The following CNTLN variants were observed in gnomAD, a reference collection of about 807,000 sequenced individuals.
CNTLN encodes the protein centlein, centrosomal protein.
Under a neutral mutation model 180.0 loss-of-function variants are expected in CNTLN, and 212 were observed. The observed-to-expected ratio is 1.18, with a 90% CI of 1.05 to 1.32. The LOEUF is 1.32. Among genes scored for constraint, CNTLN ranks in the 40% most tolerant of loss-of-function variants. The probability of loss-of-function intolerance (pLI) is 0.00; values close to 1 mark genes in which losing one functional copy is unlikely to be tolerated. For missense variants in CNTLN, 2,095 were observed against 1,610.9 expected (o/e 1.30, Z -5.14); for synonymous variants, 722 against 563.1 (o/e 1.28, Z -3.99).
At position 17,202,196 on chromosome 9, in the gene CNTLN, A is replaced by C. The variant is rs545997067; in HGVS notation, c.450-24007A>C. On this transcript the variant is annotated intron_variant, in intron 2 of 25. Transcript: ENST00000380647. ...TAATTTGATTACACTGTGGTCTGAG[A>C]GACTGTTTATTATGATTTCTGTTTG... Among the ~76,000 whole-genome samples, 10 of 152,250 alleles carry C rather than the reference A, an allele frequency of 6.6e-5. No homozygotes were observed. In the South Asian group the frequency reaches 1.2e-3, roughly 19 times the overall value.
chr9:17,481,117 T>C (rs1428982687), intron 23 of CNTLN, among the ~76,000 whole-genome samples: 2 of 152,114 alleles, frequency 1.3e-5, no homozygotes, highest in African/African-American at 4.8e-5. Flanking sequence ...CCTACCCAAC[T>C]GTGGGGCACA....
chr9:17,393,591 C>T (rs1233046276), intron 14 of CNTLN, among the ~76,000 whole-genome samples: 3 of 152,144 alleles, frequency 2.0e-5, no homozygotes, highest in African/African-American at 7.2e-5. Context: ...CAGAACCTCT[C>T]TTTCCTGTCT....
At chr9:17,326,369 G>A (rs912971083) in intron 8 of CNTLN, among the ~76,000 whole-genome samples, 3 of 151,936 alleles carry the variant, frequency 2.0e-5, no homozygotes, top group Non-Finnish European at 4.4e-5. Flanking sequence ...AAGATTCTAG[G>A]ATTTTAAGGG....
chr9:17,385,861 T>G (rs757861200), intron 13 of CNTLN, among the ~76,000 whole-genome samples: 6 of 152,180 alleles, frequency 3.9e-5, no homozygotes, highest in Non-Finnish European at 8.8e-5. Flanking sequence ...CATGGTTGGA[T>G]TTAGGTATCC....
At chr9:17,310,715 T>A (rs1819073559) in intron 8 of CNTLN, among the ~76,000 whole-genome samples, 1 of 152,256 alleles carries the variant, frequency 6.6e-6, no homozygotes, top group Non-Finnish European at 1.5e-5. Context: ...GGTTGTTTCC[T>A]GTCCTACTCA....
In CNTLN at chr9:17,274,440, G is replaced by C. The variant is rs75081577; in HGVS notation, c.983+574G>C. 4.4e-4 allele frequency among the ~76,000 whole-genome samples: 65 copies of C among 149,266 alleles called. 1 individual carries two copies. Among genetic ancestry groups the C allele is most frequent in the Non-Finnish European group, 6.9e-4 (46 of 66,806 alleles). On this transcript the variant is annotated intron_variant, in intron 6 of 25. Coordinates refer to ENST00000380647, the MANE Select transcript of CNTLN (RefSeq NM_017738.4). ...ATAAATTAAGACAGAACTTTTCCTT[G>C]GTTCATAGATCAATATCTATCTATC...
intron 2 of CNTLN, among the ~76,000 whole-genome samples, chr9:17,206,263 T>C (rs929539748): frequency 5.9e-5 from 9 of 152,196 alleles, no homozygotes; most frequent in African/African-American, 1.9e-4. Flanking sequence ...GCCTAAGCCC[T>C]AACTAAACAC....
In CNTLN at chr9:17,464,547, A is replaced by G. The variant is rs768323927; in HGVS notation, c.3455A>G (p.Asp1152Gly). Residue 1152 changes from aspartate to glycine, a missense_variant, in exon 21 of 26, where the codon GAC becomes GGC. Asp to Gly is a moderately conservative substitution (Grantham distance 94). Transcript: ENST00000380647. ...DITMKRHLIE[D>G]LKFRQKVNLE... is the part of the protein sequence containing the mutation. ...ACTATGAAAAGACATTTGATAGAGGACTTGAAATTTCGACAGAAAGTAAAT... is the reference window on the plus strand; with the variant it reads ...ACTATGAAAAGACATTTGATAGAGGGCTTGAAATTTCGACAGAAAGTAAAT... 6.6e-6 allele frequency: 10 copies of G among 1,524,654 alleles called. No individual in the cohort carries two copies. Among genetic ancestry groups the G allele is most frequent in the Admixed American group, 2.5e-5 (1 of 40,400 alleles). 94.4% of individuals were successfully genotyped at this position (1,524,654 alleles called of 1,614,324 possible).
intron 12 of CNTLN, 121 bp from the exon 13 acceptor site, chr9:17,366,496 A>G (rs987538661): frequency 2.2e-6 from 1 of 455,756 alleles, no homozygotes; most frequent in South Asian, 3.3e-5. Context: ...TCCATTTTAT[A>G]TACATTAAAA....
At chr9:17,458,118 C>G (rs1025866099) in intron 19 of CNTLN, among the ~76,000 whole-genome samples, 2 of 151,808 alleles carry the variant, frequency 1.3e-5, no homozygotes, top group Non-Finnish European at 2.9e-5. Flanking sequence ...CACTTTTGCT[C>G]TCTGCTTCTT....
At chr9:17,268,610 TTTTG>T (rs1226866521) in intron 5 of CNTLN, among the ~76,000 whole-genome samples, 5 of 152,232 alleles carry the variant, frequency 3.3e-5, no homozygotes, top group East Asian at 1.9e-4. Context: ...ACTGCTGTCT[TTTTG>T]TTTGTCTGTG....
intron 2 of CNTLN, among the ~76,000 whole-genome samples, chr9:17,222,089 A>C (rs113776615): frequency 6.8e-4 from 104 of 152,164 alleles, no homozygotes; most frequent in Non-Finnish European, 1.3e-3. Flanking sequence ...GTCAGCATAC[A>C]CACAGGCTGT....
chr9:17,287,841 A>T (rs1459160705), intron 6 of CNTLN, among the ~76,000 whole-genome samples: 2 of 147,814 alleles, frequency 1.4e-5, no homozygotes, highest in Admixed American at 6.7e-5. Context: ...TTTCTGTGGG[A>T]TCGCTGGTGA....
intron 8 of CNTLN, among the ~76,000 whole-genome samples, chr9:17,328,870 T>G (rs1203359022): frequency 6.6e-6 from 1 of 152,010 alleles, no homozygotes; most frequent in Non-Finnish European, 1.5e-5. Flanking sequence ...ATATCCTTTA[T>G]TGTTATCAAA....
At chr9:17,265,266 G>A (rs1053541464) in intron 5 of CNTLN, among the ~76,000 whole-genome samples, 6 of 151,978 alleles carry the variant, frequency 3.9e-5, no homozygotes, top group African/African-American at 1.4e-4. Flanking sequence ...GTTGAATTTT[G>A]TCAAAGGCCT....
chr9:17,430,637 C>G (rs1187412680), intron 18 of CNTLN, among the ~76,000 whole-genome samples: 1 of 152,058 alleles, frequency 6.6e-6, no homozygotes, highest in African/African-American at 2.4e-5. Context: ...CTACTGAACA[C>G]TAGAACTTAT....
chr9:17,522,279 A>T, the CNTLN span, among the ~76,000 whole-genome samples: 1 of 152,050 alleles, frequency 6.6e-6, no homozygotes, highest in Admixed American at 6.5e-5. Flanking sequence ...TAATGGGATG[A>T]CTACCGATTG....
chr9:17,333,795 A>G (rs1372762400), intron 10 of CNTLN, among the ~76,000 whole-genome samples: 1 of 152,200 alleles, frequency 6.6e-6, no homozygotes, highest in Non-Finnish European at 1.5e-5. Flanking sequence ...TGAAATTTAT[A>G]AAGAACTTAG....
intron 8 of CNTLN, among the ~76,000 whole-genome samples, chr9:17,321,364 G>A (rs979333137): frequency 1.3e-5 from 2 of 152,092 alleles, no homozygotes; most frequent in Non-Finnish European, 2.9e-5. Context: ...TTTTCCTTGT[G>A]TATCTCCATC....
Sources: allele counts gnomAD v4.1 joint callset (sites outside exome capture counted in the v4.1 genomes callset), GRCh38; gene constraint gnomAD v4.1.1; transcripts MANE v1.5; gene names NCBI Gene and HGNC (gene_info 2026-07-23, HGNC 2026-07-21).